Variants in GFM2 observed in about 807,000 individuals in gnomAD.
The protein encoded by GFM2 is ribosome-releasing factor 2, mitochondrial.
In GFM2, 72 loss-of-function variants were observed where a neutral mutation model predicts 95.4. The ratio of observed to expected loss-of-function variants is 0.76; its 90% confidence interval spans 0.62 to 0.92. The LOEUF (loss-of-function observed/expected upper bound fraction) is 0.92. Ranked by LOEUF, GFM2 falls within the 40% of genes least tolerant of loss-of-function variation. GFM2 has a pLI of 0.00. For missense variants in GFM2, 825 were observed against 924.1 expected, an observed-to-expected ratio of 0.89 and a Z score of 1.39; for synonymous variants, 276 against 317.5, an observed-to-expected ratio of 0.87 and a Z score of 1.39.
At chr5:74,765,615 G>A (rs1005556957) in intron 1 of GFM2, among the ~76,000 whole-genome samples, 3 of 152,106 alleles carry the variant, frequency 2.0e-5, no homozygotes, top group Non-Finnish European at 4.4e-5. Context: ...ATTATATAAC[G>A]TACTGTACCT....
chr5:74,737,174 T>C (rs1742879304), intron 14 of GFM2, among the ~76,000 whole-genome samples, 189 bp from the exon 15 acceptor site: 1 of 152,226 alleles, frequency 6.6e-6, no homozygotes, highest in Non-Finnish European at 1.5e-5. Flanking sequence ...GCATAAGAAT[T>C]CTATCCAAAA....
At chr5:74,751,261 T>A (rs997247627) in intron 6 of GFM2, 107 bp downstream of exon 6, 3 of 1,070,548 alleles carry the variant, frequency 2.8e-6, no homozygotes, top group Non-Finnish European at 4.1e-6. Context: ...TGGTAAATTT[T>A]GCAACACATG....
At chr5:74,739,872 G>T in intron 12 of GFM2, 117 bp downstream of exon 12, 4 of 666,574 alleles carry the variant, frequency 6.0e-6, no homozygotes, top group East Asian at 3.0e-5. Flanking sequence ...TACATCATTT[G>T]CAATAACACT....
chr5:74,740,254 T>A (rs1743049125), intron 11 of GFM2, 117 bp from the exon 12 acceptor site: 3 of 686,752 alleles, frequency 4.4e-6, no homozygotes, highest in African/African-American at 1.9e-5. Flanking sequence ...CACACCTTCA[T>A]CATTTTGTTG....
chr5:74,727,089 G>A (rs1176940833), intron 17 of GFM2, among the ~76,000 whole-genome samples: 1 of 152,066 alleles, frequency 6.6e-6, no homozygotes, highest in Non-Finnish European at 1.5e-5. Context: ...GATTGCTGGA[G>A]CCCAGGAGTT....
intron 11 of GFM2, among the ~76,000 whole-genome samples, chr5:74,740,976 A>G (rs1009315216): frequency 6.6e-6 from 1 of 152,180 alleles, no homozygotes; most frequent in African/African-American, 2.4e-5. Flanking sequence ...GCCAAATTCC[A>G]TGGGGAAAGT....
chr5:74,732,991 G>T, intron 16 of GFM2, 31 bp downstream of exon 16: 1 of 1,220,208 alleles, frequency 8.2e-7, no homozygotes. Context: ...CTTATAGAAA[G>T]GCTTCTGGAG....
intron 2 of GFM2, among the ~76,000 whole-genome samples, chr5:74,763,244 A>G (rs1744373762): frequency 6.6e-6 from 1 of 152,254 alleles, no homozygotes; most frequent in African/African-American, 2.4e-5. Context: ...AAGACAGCCA[A>G]AAGTAGTTGT....
intron 11 of GFM2, 26 bp from the exon 12 acceptor site, chr5:74,740,163 A>G (rs1743044390): frequency 5.1e-6 from 8 of 1,581,988 alleles, no homozygotes; most frequent in Non-Finnish European, 6.8e-6. Context: ...ACAAATGAGC[A>G]TTTATTTTGT....
chr5:74,750,887 G>A (rs1743666223), intron 6 of GFM2, among the ~76,000 whole-genome samples: 1 of 152,006 alleles, frequency 6.6e-6, no homozygotes, highest in African/African-American at 2.4e-5. Flanking sequence ...ATGTATGAAT[G>A]GATAAACAAA....
intron 15 of GFM2, among the ~76,000 whole-genome samples, chr5:74,734,752 G>A (rs1044733415): frequency 3.3e-5 from 5 of 152,126 alleles, no homozygotes; most frequent in Non-Finnish European, 7.3e-5. Flanking sequence ...TGGACCATGG[G>A]GTAAGTACAA....
intron 16 of GFM2, 88 bp downstream of exon 16, chr5:74,732,929 CACACA>C (rs1478407692): frequency 7.3e-5 from 1 of 13,744 alleles, no homozygotes; most frequent in Non-Finnish European, 1.7e-4. Context: ...ATGTTTTAGA[CACACA>C]CACACACACA....
chr5:74,739,160 A>C (rs10515190), intron 12 of GFM2, among the ~76,000 whole-genome samples: 9,299 of 152,166 alleles, frequency 0.061, 627 homozygotes, highest in African/African-American at 0.17. Context: ...AATTTTGCGC[A>C]TCTAAGGAGA....
chr5:74,732,891 A>G (rs556529233), intron 16 of GFM2, 131 bp downstream of exon 16: 35 of 473,584 alleles, frequency 7.4e-5, no homozygotes, highest in Non-Finnish European at 1.2e-4. Flanking sequence ...TTTAAAAAGA[A>G]AGGTTTTTCT....
At chr5:74,724,782 T>C (rs1750072930) in intron 19 of GFM2, among the ~76,000 whole-genome samples, 1 of 152,192 alleles carries the variant, frequency 6.6e-6, no homozygotes, top group African/African-American at 2.4e-5. Flanking sequence ...AAAAAATGGC[T>C]ATAAAACCAA....
intron 19 of GFM2, chr5:74,724,962 A>G (rs1314429619): frequency 1.3e-5 from 2 of 152,268 alleles, no homozygotes; most frequent in Non-Finnish European, 2.9e-5. Context: ...AACTCCCCAG[A>G]TAACCACACC....
In GFM2 at chr5:74,738,309, G is replaced by A; in HGVS notation, c.1320+9C>T. The A allele has an allele frequency of 1.3e-6, 2 of 1,590,850 alleles. No homozygotes were observed. Among genetic ancestry groups the A allele is most frequent in the Middle Eastern group, 1.7e-4 (1 of 5,976 alleles). On this transcript the variant is annotated intron_variant, in intron 14 of 20. Coordinates refer to ENST00000296805, the MANE Select transcript of GFM2 (RefSeq NM_032380.5). ...TGTTATTTCCTAGAGAAATCATTTG[G>A]TCACTTACATGTTTAAGCCCAACAG...
chr5:74,740,187 C>T (rs370662106), intron 11 of GFM2, 50 bp from the exon 12 acceptor site: 84 of 1,509,608 alleles, frequency 5.6e-5, no homozygotes, highest in Non-Finnish European at 6.8e-5. Flanking sequence ...CTGGTCTTGG[C>T]GAGAAGCTCA....
chr5:74,725,124 T>A (rs919971027), intron 19 of GFM2: 1 of 152,604 alleles, frequency 6.6e-6, no homozygotes, highest in East Asian at 1.9e-4. Context: ...TATAAGAATT[T>A]GCATGTCATC....
Sources: allele counts gnomAD v4.1 joint callset (sites outside exome capture counted in the v4.1 genomes callset), GRCh38; gene constraint gnomAD v4.1.1; transcripts MANE v1.5; gene names NCBI Gene and HGNC (gene_info 2026-07-23, HGNC 2026-07-21).